PINX1: variants seen among roughly 807,000 people sequenced by gnomAD.
The protein encoded by PINX1 is PIN2 (TERF1) interacting telomerase inhibitor 1.
PINX1 carries 34 observed loss-of-function variants against 25.4 expected under a neutral mutation model. The ratio of observed to expected loss-of-function variants is 1.34; its 90% CI spans 1.02 to 1.78. PINX1 has a LOEUF of 1.78. Among genes scored for constraint, PINX1 ranks in the 40% most tolerant of loss-of-function variants. PINX1 has a pLI of 0.00. For synonymous variants in PINX1, 197 were observed against 147.7 expected, an observed-to-expected ratio of 1.33 and a Z score of -2.42; for missense variants, 592 against 404.9, an observed-to-expected ratio of 1.46 and a Z score of -3.97.
At position 10,765,568 on chromosome 8, in the gene PINX1, C is replaced by CAG. The variant is rs750029708; in HGVS notation, c.818_819dup (p.Ala274LeufsTer19). ...TGCACATGGTCCCCTGCATCCTGAG[C>CAG]AGAGGCCTTGGAACTCTGGTCCCAG... is the stretch of plus-strand genomic sequence containing the variant. On this transcript the variant is annotated frameshift_variant, in exon 7 of 7. Coordinates refer to ENST00000314787, the MANE Select transcript of PINX1 (RefSeq NM_017884.6). LOFTEE classifies it low-confidence loss of function (END_TRUNC). 3 of 1,613,736 alleles carry CAG rather than the reference C, an allele frequency of 1.9e-6. No homozygotes were observed. The highest frequency in any genetic ancestry group is 2.7e-5 in the African/African-American group (2 of 75,064).
chr8:10,765,568 CA>C lies in PINX1; in HGVS notation c.819del (p.Ala274LeufsTer18). ...GPCWDQSSKA[S>X]AQDAGDHVQP... ...TGCACATGGTCCCCTGCATCCTGAG[CA>C]GAGGCCTTGGAACTCTGGTCCCAGC... On this transcript the variant is annotated frameshift_variant, in exon 7 of 7. Coordinates refer to ENST00000314787, the MANE Select transcript of PINX1 (RefSeq NM_017884.6). LOFTEE classifies it low-confidence loss of function (END_TRUNC). 3 of 1,613,736 alleles carry C rather than the reference CA, an allele frequency of 1.9e-6. No individual in the cohort carries two copies. The highest frequency in any genetic ancestry group is 2.5e-6 in the Non-Finnish European group (3 of 1,179,898).
chr8:10,821,292 A>T (rs1797859799), intron 5 of PINX1, among the ~76,000 whole-genome samples: 1 of 152,242 alleles, frequency 6.6e-6, no homozygotes, highest in South Asian at 2.1e-4. Flanking sequence ...GGGGCACTTA[A>T]ATATGATATT....
At chr8:10,791,983 G>A (rs1801937420) in intron 6 of PINX1, among the ~76,000 whole-genome samples, 1 of 152,186 alleles carries the variant, frequency 6.6e-6, no homozygotes, top group African/African-American at 2.4e-5. Context: ...ACCTGGCAGT[G>A]ATGAGACTCT....
chr8:10,819,673 T>C (rs1797805726), intron 6 of PINX1, among the ~76,000 whole-genome samples: 1 of 152,248 alleles, frequency 6.6e-6, no homozygotes, highest in African/African-American at 2.4e-5. Context: ...CTTCTAGTTG[T>C]AAGGCAAATA....
chr8:10,783,642 G>A (rs10095737), intron 6 of PINX1, among the ~76,000 whole-genome samples: 31,750 of 152,128 alleles, frequency 0.21, 3,478 homozygotes, highest in East Asian at 0.33. Flanking sequence ...TTCCTGATGA[G>A]GTTGTGAACA....
At chr8:10,810,888 G>A (rs560010732) in intron 6 of PINX1, among the ~76,000 whole-genome samples, 20 of 152,324 alleles carry the variant, frequency 1.3e-4, no homozygotes, top group African/African-American at 4.6e-4. Context: ...CTTTGAGAAG[G>A]ACGTGCTTCT....
In PINX1 at chr8:10,770,476, C is replaced by T. The variant is rs190203411; in HGVS notation, c.472-4560G>A. 1.3e-3 allele frequency among the ~76,000 whole-genome samples: 199 copies of T among 152,306 alleles called. 5 individuals are homozygous for T. The South Asian group carries it at 0.038, about 29-fold the overall frequency. On this transcript the variant is annotated intron_variant, in intron 6 of 6. Transcript: ENST00000314787. The stretch of plus-strand genomic sequence containing the variant: ...TGAAGCTACATGTATCAACTCTTCT[C>T]GGATGTCTACAGAATTAAAGTCTGT...
At chr8:10,824,232 C>A (rs982028053) in intron 5 of PINX1, among the ~76,000 whole-genome samples, 4 of 152,084 alleles carry the variant, frequency 2.6e-5, no homozygotes, top group Non-Finnish European at 4.4e-5. Flanking sequence ...CTTGTCTGAG[C>A]GAGTAATGGC....
At chr8:10,767,009 G>C (rs116258289) in intron 6 of PINX1, among the ~76,000 whole-genome samples, 1 of 152,118 alleles carries the variant, frequency 6.6e-6, no homozygotes, top group Non-Finnish European at 1.5e-5. Flanking sequence ...CAGAGACTCT[G>C]GAAATAAGTC....
chr8:10,810,057 C>T (rs1221263921), intron 6 of PINX1, among the ~76,000 whole-genome samples: 1 of 152,160 alleles, frequency 6.6e-6, no homozygotes. Flanking sequence ...GGCTCTTAAA[C>T]AACCAGGTCT....
rs113830952 is a variant in PINX1, at chr8:10,776,446, T to C, written c.472-10530A>G. Reference sequence around the variant, plus strand: ...CTCAATAAATAAATAAATAAATAAATAAACAAACAAACAAACAAACAAATA... The same window carrying C: ...CTCAATAAATAAATAAATAAATAAACAAACAAACAAACAAACAAACAAATA... On this transcript the variant is annotated intron_variant, in intron 6 of 6. Coordinates refer to ENST00000314787, the MANE Select transcript of PINX1 (RefSeq NM_017884.6). 2.9e-3 allele frequency among the ~76,000 whole-genome samples: 438 copies of C among 150,560 alleles called. 6 individuals carry two copies. In the East Asian group the frequency reaches 0.041, roughly 14 times the overall value.
intron 5 of PINX1, chr8:10,825,504 G>T: frequency 1.9e-6 from 1 of 531,232 alleles, no homozygotes; most frequent in Non-Finnish European, 3.9e-6. Context: ...TCCAATGCAA[G>T]ATCGCCACCT....
At chr8:10,818,441 A>T (rs1340781550) in intron 6 of PINX1, among the ~76,000 whole-genome samples, 1 of 152,176 alleles carries the variant, frequency 6.6e-6, no homozygotes, top group African/African-American at 2.4e-5. Context: ...GAGGATCAGA[A>T]ACCTCTGATC....
chr8:10,802,519 GAA>G (rs1462127680), intron 6 of PINX1, among the ~76,000 whole-genome samples: 3 of 152,182 alleles, frequency 2.0e-5, no homozygotes, highest in African/African-American at 7.2e-5. Flanking sequence ...CTCCCATTCT[GAA>G]ACTCCTATCT....
chr8:10,794,439 C>G (rs1477757082), intron 6 of PINX1, among the ~76,000 whole-genome samples: 2 of 145,720 alleles, frequency 1.4e-5, no homozygotes, highest in African/African-American at 5.0e-5. Flanking sequence ...CTGTTGCTAC[C>G]TTTTTTTTTT....
At chr8:10,816,649 T>C (rs1266076004) in intron 6 of PINX1, among the ~76,000 whole-genome samples, 1 of 152,202 alleles carries the variant, frequency 6.6e-6, no homozygotes, top group Non-Finnish European at 1.5e-5. Context: ...CAACAGCCAA[T>C]CATTTTCCCA....
chr8:10,822,021 G>A (rs1797893991), intron 5 of PINX1: 1 of 152,228 alleles, frequency 6.6e-6, no homozygotes, highest in Admixed American at 6.5e-5. Flanking sequence ...TGTGTCTAAA[G>A]TTTTGATGAT....
Position 10,765,561 on chromosome 8 carries a change from T to A in PINX1, c.827A>T (p.Asp276Val). 1.2e-6 allele frequency: 2 copies of A among 1,613,784 alleles called. No individual in the cohort carries two copies. The highest frequency in any genetic ancestry group is 1.7e-6 in the Non-Finnish European group (2 of 1,179,886). ...WDQSSKASAQ[D>V]AGDHVQPPEG... ...AGGCGGCTGCACATGGTCCCCTGCA[T>A]CCTGAGCAGAGGCCTTGGAACTCTG... The change falls in exon 7 of 7, where the codon GAT becomes GTT. Residue 276 changes from aspartate to valine, a missense_variant. Physicochemically the swap from Asp to Val is radical, Grantham distance 152 (BLOSUM62 -3). Transcript: ENST00000314787.
chr8:10,802,332 C>G lies in PINX1; in HGVS notation c.471+17861G>C, dbSNP rs1234317973. ...TTACACACAGCAGGTCACTCATACACTGATACACTCATGACATTCCCTTGG... is the reference window on the plus strand; with the variant it reads ...TTACACACAGCAGGTCACTCATACAGTGATACACTCATGACATTCCCTTGG... On this transcript the variant is annotated intron_variant, in intron 6 of 6. Coordinates refer to ENST00000314787, the MANE Select transcript of PINX1 (RefSeq NM_017884.6). Among the ~76,000 whole-genome samples, 3 of 152,152 alleles carry G rather than the reference C, an allele frequency of 2.0e-5. No homozygotes were observed. The East Asian group carries it at 5.8e-4, about 29-fold the overall frequency.
Sources: gnomAD v4.1 joint callset for allele counts (sites outside exome capture counted in the v4.1 genomes callset) on GRCh38, gnomAD v4.1.1 for gene constraint, MANE v1.5 for transcripts, NCBI Gene and HGNC (gene_info 2026-07-23, HGNC 2026-07-21) for gene names.